MACROD2: variants seen among roughly 807,000 people sequenced by gnomAD.
MACROD2 encodes ADP-ribose glycohydrolase MACROD2.
Under a neutral mutation model 70.4 loss-of-function variants are expected in MACROD2, and 36 were observed. The observed-to-expected ratio is 0.51, with a 90% CI of 0.39 to 0.68. The LOEUF (loss-of-function observed/expected upper bound fraction) is 0.68. Among genes scored for constraint, MACROD2 ranks in the 30% least tolerant of loss-of-function variants. MACROD2 has a pLI of 0.00. For synonymous variants in MACROD2, 172 were observed against 178.8 expected (o/e 0.96, Z 0.30); for missense variants, 496 against 538.4 (o/e 0.92, Z 0.78).
At chr20:16,011,341 C>T (rs1429669719) in intron 15 of MACROD2, among the ~76,000 whole-genome samples, 1 of 152,208 alleles carries the variant, frequency 6.6e-6, no homozygotes, top group African/African-American at 2.4e-5. Context: ...CAATTAACCA[C>T]ACCGTTTGGC....
chr20:14,556,121 C>G (rs1188420702), intron 4 of MACROD2, among the ~76,000 whole-genome samples: 1 of 151,990 alleles, frequency 6.6e-6, no homozygotes, highest in East Asian at 1.9e-4. Flanking sequence ...TAGTCAAACC[C>G]TCTAAGATAT....
At chr20:15,666,635 A>G (rs1026780553) in intron 8 of MACROD2, among the ~76,000 whole-genome samples, 4 of 152,178 alleles carry the variant, frequency 2.6e-5, no homozygotes, top group African/African-American at 9.7e-5. Flanking sequence ...CACTCAGTCA[A>G]TACATGAGTT....
At chr20:15,979,939 G>A (rs2066370876) in intron 13 of MACROD2, among the ~76,000 whole-genome samples, 1 of 152,146 alleles carries the variant, frequency 6.6e-6, no homozygotes, top group Non-Finnish European at 1.5e-5. Context: ...TATTCAGCTG[G>A]GAGCATCGAC....
At chr20:14,352,627 T>C (rs2083134112) in intron 3 of MACROD2, among the ~76,000 whole-genome samples, 1 of 152,194 alleles carries the variant, frequency 6.6e-6, no homozygotes, top group Non-Finnish European at 1.5e-5. Flanking sequence ...TGTTCATCTT[T>C]AACTTAATAG....
intron 5 of MACROD2, among the ~76,000 whole-genome samples, chr20:14,927,105 G>A (rs773990467): frequency 2.0e-5 from 3 of 152,098 alleles, no homozygotes; most frequent in Non-Finnish European, 4.4e-5. Flanking sequence ...GCCTTCTCCT[G>A]CCTATTTACA....
At chr20:14,817,284 C>T (rs911738090) in intron 5 of MACROD2, among the ~76,000 whole-genome samples, 10 of 152,148 alleles carry the variant, frequency 6.6e-5, no homozygotes. Flanking sequence ...AGAAACATTT[C>T]ATGGCAGGGA....
chr20:14,014,921 C>T (rs1229658011), intron 2 of MACROD2, among the ~76,000 whole-genome samples: 1 of 151,910 alleles, frequency 6.6e-6, no homozygotes, highest in Non-Finnish European at 1.5e-5. Flanking sequence ...CTACCTCAGC[C>T]TCCTGAGTAG....
rs561767214 is a variant in MACROD2 at position 15,520,746 on chromosome 20, A to G, written c.645+20899A>G. 2.6e-5 allele frequency among the ~76,000 whole-genome samples: 4 copies of G among 152,324 alleles called. No homozygotes were observed. The South Asian group carries it at 8.3e-4, about 32-fold the overall frequency. The stretch of plus-strand genomic sequence containing the variant: ...ATATGCTGCATACTGAAGAGACTAC[A>G]CACATGTATGAAACAGCAGGTGGGG... On this transcript the variant is annotated intron_variant, in intron 8 of 17. Transcript: ENST00000684519.
At chr20:14,010,521 A>G (rs1241350317) in intron 2 of MACROD2, among the ~76,000 whole-genome samples, 1 of 152,140 alleles carries the variant, frequency 6.6e-6, no homozygotes, top group African/African-American at 2.4e-5. Context: ...CAATGCTTTA[A>G]TCTTTTTTCC....
intron 4 of MACROD2, among the ~76,000 whole-genome samples, chr20:14,546,428 C>G (rs1215682761): frequency 6.6e-5 from 10 of 152,168 alleles, no homozygotes; most frequent in Admixed American, 4.6e-4. Context: ...TATTTTGCTA[C>G]TGTTCATAAG....
chr20:14,007,982 T>C (rs959256434), intron 2 of MACROD2, among the ~76,000 whole-genome samples: 6 of 152,162 alleles, frequency 3.9e-5, no homozygotes, highest in African/African-American at 7.2e-5. Flanking sequence ...TTTTTAAAAA[T>C]TGGTCATTTA....
At chr20:15,523,725 C>T (rs573086540) in intron 8 of MACROD2, among the ~76,000 whole-genome samples, 1 of 152,276 alleles carries the variant, frequency 6.6e-6, no homozygotes, top group Non-Finnish European at 1.5e-5. Context: ...GGGGTGAAAA[C>T]CTGCCCAGGT....
intron 6 of MACROD2, among the ~76,000 whole-genome samples, chr20:15,383,132 A>T (rs1178641809): frequency 2.0e-5 from 3 of 152,228 alleles, no homozygotes; most frequent in Non-Finnish European, 4.4e-5. Context: ...CATTCATGAA[A>T]TACATTTTAA....
chr20:15,990,693 A>G (rs554787470), intron 15 of MACROD2, among the ~76,000 whole-genome samples: 2 of 152,296 alleles, frequency 1.3e-5, no homozygotes, highest in South Asian at 2.1e-4. Flanking sequence ...AGTGTAAAGT[A>G]TCATGCCCTT....
intron 5 of MACROD2, among the ~76,000 whole-genome samples, chr20:15,036,468 C>G (rs2075314067): frequency 6.6e-6 from 1 of 152,112 alleles, no homozygotes; most frequent in East Asian, 1.9e-4. Flanking sequence ...TGGTATCCCC[C>G]TTCCCCCCAC....
chr20:14,816,816 A>G (rs563025823), intron 5 of MACROD2, among the ~76,000 whole-genome samples: 1 of 152,034 alleles, frequency 6.6e-6, no homozygotes, highest in African/African-American at 2.4e-5. Flanking sequence ...CCTTAAAACT[A>G]TCATTCTATT....
chr20:14,309,954 A>G (rs1011895389), intron 3 of MACROD2, among the ~76,000 whole-genome samples: 1 of 152,132 alleles, frequency 6.6e-6, no homozygotes, highest in African/African-American at 2.4e-5. Flanking sequence ...TTCTACTAGC[A>G]TATAGATTCC....
intron 4 of MACROD2, among the ~76,000 whole-genome samples, chr20:14,499,432 C>T (rs559291995): frequency 6.6e-6 from 1 of 152,102 alleles, no homozygotes; most frequent in Non-Finnish European, 1.5e-5. Flanking sequence ...ACTTGGAAGA[C>T]TGAGGTGGGA....
intron 8 of MACROD2, among the ~76,000 whole-genome samples, chr20:15,510,096 T>G (rs2047478827): frequency 6.6e-6 from 1 of 152,238 alleles, no homozygotes; most frequent in African/African-American, 2.4e-5. Flanking sequence ...GCCGCCATGT[T>G]GATTTTCTGT....
Sources: gnomAD v4.1 joint callset for allele counts (sites outside exome capture counted in the v4.1 genomes callset) on GRCh38, gnomAD v4.1.1 for gene constraint, MANE v1.5 for transcripts, NCBI Gene and HGNC (gene_info 2026-07-23, HGNC 2026-07-21) for gene names.